The following LCMT1 variants were observed in gnomAD, a reference collection of about 807,000 sequenced individuals.
LCMT1 encodes [Phosphatase 2A protein]-leucine-carboxy methyltransferase 1.
In LCMT1, 32 loss-of-function variants were observed where a neutral mutation model predicts 47.7. That is an observed-to-expected ratio of 0.67 (90% CI 0.51 to 0.90). LCMT1 has a LOEUF of 0.90. Among genes scored for constraint, LCMT1 ranks in the 40% least tolerant of loss-of-function variants. The probability of loss-of-function intolerance (pLI) is 0.00; values close to 1 mark genes in which losing one functional copy is unlikely to be tolerated. For missense variants in LCMT1, 375 were observed against 415.2 expected (o/e 0.90, Z 0.84); for synonymous variants, 152 against 149.7 (o/e 1.02, Z -0.11).
At chr16:25,154,492 T>G (rs1180042867) in intron 5 of LCMT1, among the ~76,000 whole-genome samples, 4 of 142,102 alleles carry the variant, frequency 2.8e-5, no homozygotes, top group Admixed American at 2.7e-4. Flanking sequence ...ATGTGTTCTT[T>G]TTTTTTTTTT....
intron 6 of LCMT1, among the ~76,000 whole-genome samples, chr16:25,163,706 A>G (rs1238355939): frequency 6.6e-6 from 1 of 152,172 alleles, no homozygotes; most frequent in African/African-American, 2.4e-5. Context: ...GAAGCATCTG[A>G]TAGGCCACTT....
chr16:25,120,731 G>GTTTTTTTTTTTTT (rs1434579218), intron 1 of LCMT1, among the ~76,000 whole-genome samples: 2 of 132,466 alleles, frequency 1.5e-5, no homozygotes, highest in African/African-American at 5.8e-5. Context: ...ACCTGGCCTT[G>GTTTTTTTTTTTTT]TTTTTTTGTT....
intron 5 of LCMT1, among the ~76,000 whole-genome samples, chr16:25,156,364 G>A (rs140153183): frequency 1.1e-3 from 175 of 152,340 alleles, no homozygotes; most frequent in African/African-American, 4.1e-3. Context: ...CAAGAGCAGT[G>A]CCTAGTGCAC....
chr16:25,135,284 A>AAAAAAAAAAAAAAAT (rs1555482753), intron 3 of LCMT1, among the ~76,000 whole-genome samples: 1 of 140,610 alleles, frequency 7.1e-6, no homozygotes, highest in African/African-American at 2.5e-5. Flanking sequence ...TTTCTTTTAA[A>AAAAAAAAAAAAAAAT]ATATATATCT....
chr16:25,142,741 T>A (rs995783307), intron 4 of LCMT1: 1 of 152,170 alleles, frequency 6.6e-6, no homozygotes, highest in Non-Finnish European at 1.5e-5. Flanking sequence ...AACAGAATAA[T>A]AGTAAACCAA....
chr16:25,177,335 GA>G (rs1961979401), intron 10 of LCMT1, among the ~76,000 whole-genome samples: 1 of 152,146 alleles, frequency 6.6e-6, no homozygotes, highest in Non-Finnish European at 1.5e-5. Flanking sequence ...GACCTCTTGT[GA>G]CTTTTCCCTT....
intron 5 of LCMT1, 84 bp downstream of exon 5, chr16:25,151,699 G>GTGTGTGTT (rs1443062168): frequency 9.7e-5 from 69 of 714,126 alleles, no homozygotes; most frequent in Non-Finnish European, 1.5e-4. Context: ...TGTGTTGGGT[G>GTGTGTGTT]TGTGTGTGTG....
chr16:25,137,988 G>A (rs906799075), intron 3 of LCMT1, among the ~76,000 whole-genome samples: 12 of 152,064 alleles, frequency 7.9e-5, no homozygotes, highest in African/African-American at 2.9e-4. Context: ...TCCATCTCTT[G>A]TTACTGTCTC....
chr16:25,149,783 T>G (rs1007344558), intron 4 of LCMT1, among the ~76,000 whole-genome samples: 4 of 151,672 alleles, frequency 2.6e-5, no homozygotes, highest in Non-Finnish European at 4.4e-5. Flanking sequence ...GCATGTTGGG[T>G]GCATCTATAG....
At chr16:25,163,205 A>G (rs1961484362) in intron 6 of LCMT1, among the ~76,000 whole-genome samples, 1 of 152,218 alleles carries the variant, frequency 6.6e-6, no homozygotes, top group African/African-American at 2.4e-5. Flanking sequence ...ACGGTGGCTC[A>G]CGCCTGTAAT....
intron 5 of LCMT1, among the ~76,000 whole-genome samples, chr16:25,160,249 T>C (rs1331976066): frequency 6.6e-6 from 1 of 152,184 alleles, no homozygotes. Context: ...GCCCAGCCAA[T>C]AGAAATGTAA....
intron 4 of LCMT1, chr16:25,147,196 ATAGTCC>A (rs1302286984): frequency 6.6e-6 from 1 of 152,212 alleles, no homozygotes; most frequent in Non-Finnish European, 1.5e-5. Flanking sequence ...TGTTTTTTAC[ATAGTCC>A]TAGATCCACC....
chr16:25,130,662 A>C (rs530351447), intron 2 of LCMT1, among the ~76,000 whole-genome samples: 2 of 152,292 alleles, frequency 1.3e-5, no homozygotes, highest in African/African-American at 4.8e-5. Flanking sequence ...AAGAATCTTC[A>C]GTAGATTTAT....
At chr16:25,128,921 G>A (rs1960271855) in intron 2 of LCMT1, among the ~76,000 whole-genome samples, 2 of 145,010 alleles carry the variant, frequency 1.4e-5, no homozygotes, top group Admixed American at 1.4e-4. Flanking sequence ...TGGGGGGCAA[G>A]GGGAGGGAGA....
chr16:25,125,661 G>A (rs1018806787), intron 1 of LCMT1, among the ~76,000 whole-genome samples: 8 of 151,722 alleles, frequency 5.3e-5, no homozygotes, highest in Admixed American at 3.3e-4. Flanking sequence ...GTGAAACCCC[G>A]TCTCTACTAA....
chr16:25,135,464 G>A (rs1427206946), intron 3 of LCMT1, among the ~76,000 whole-genome samples: 1 of 152,206 alleles, frequency 6.6e-6, no homozygotes, highest in Non-Finnish European at 1.5e-5. Flanking sequence ...AATTATAACA[G>A]CAGAGTTGAG....
chr16:25,174,021 C>T (rs998389095), intron 9 of LCMT1, among the ~76,000 whole-genome samples: 6 of 152,204 alleles, frequency 3.9e-5, no homozygotes, highest in African/African-American at 9.6e-5. Context: ...AAGCAATTCT[C>T]CTGCCTCAGC....
At chr16:25,136,446 G>A (rs531844489) in intron 3 of LCMT1, among the ~76,000 whole-genome samples, 2 of 151,808 alleles carry the variant, frequency 1.3e-5, no homozygotes, top group Admixed American at 1.3e-4. Context: ...CAGCCATTTT[G>A]CCCCTTTCTC....
intron 4 of LCMT1, chr16:25,141,336 G>C (rs1960687371): frequency 6.6e-6 from 1 of 152,086 alleles, no homozygotes; most frequent in African/African-American, 2.4e-5. Flanking sequence ...GTAGCCTCTT[G>C]GTGAATCTTT....
Sources: allele counts gnomAD v4.1 joint callset (sites outside exome capture counted in the v4.1 genomes callset), GRCh38; gene constraint gnomAD v4.1.1; transcripts MANE v1.5; gene names NCBI Gene and HGNC (gene_info 2026-07-23, HGNC 2026-07-21).